EGF: variants seen among roughly 807,000 people sequenced by gnomAD.
EGF encodes the protein epidermal growth factor, also known as pro-epidermal growth factor.
A neutral mutation model predicts 143.8 loss-of-function variants in EGF; 95 were observed. The observed-to-expected ratio is 0.66, with a 90% CI of 0.56 to 0.78. The LOEUF (loss-of-function observed/expected upper bound fraction) is 0.78. EGF is among the 30% of genes least tolerant of loss of function. The pLI, the probability that EGF is intolerant of heterozygous loss-of-function variation, is 0.00. For synonymous variants in EGF, 510 were observed against 510.5 expected (o/e 1.00, Z 0.01); for missense variants, 1,320 against 1,470.9 (o/e 0.90, Z 1.68).
At chr4:109,952,326 G>A (rs1204873753) in intron 5 of EGF, among the ~76,000 whole-genome samples, 1 of 152,124 alleles carries the variant, frequency 6.6e-6, no homozygotes, top group Non-Finnish European at 1.5e-5. Flanking sequence ...TATTCTTTGG[G>A]AAATGAAGGT....
chr4:109,947,828 T>A (rs1374246603), intron 5 of EGF, among the ~76,000 whole-genome samples: 1 of 152,208 alleles, frequency 6.6e-6, no homozygotes, highest in Admixed American at 6.5e-5. Flanking sequence ...GGGCTTTAGT[T>A]TATCGGTTTG....
rs1057450207 is a variant in EGF, at chr4:109,968,762, G to A, written c.1576-209G>A. The A allele has an allele frequency of 4.8e-5, 27 of 562,692 alleles. 1 individual carries two copies. The highest frequency in any genetic ancestry group is 3.4e-4 in the African/African-American group (17 of 49,994). 34.9% of individuals were successfully genotyped at this position (562,692 alleles called of 1,614,324 possible). A position where few individuals can be genotyped will look rare whatever the true frequency, so the allele number is the denominator to read the frequency against. On this transcript the variant is annotated intron_variant, in intron 10 of 23. Coordinates refer to ENST00000265171, the MANE Select transcript of EGF (RefSeq NM_001963.6). The stretch of plus-strand genomic sequence containing the variant: ...TTGATATTATTATCCTTATTTTACC[G>A]ATGAGGAAACTAAGATTCTGAGACA...
intron 21 of EGF, chr4:110,002,007 G>T: frequency 3.0e-6 from 3 of 985,378 alleles, no homozygotes; most frequent in Non-Finnish European, 3.6e-6. Flanking sequence ...AATTAAAACT[G>T]CTAGTCTAAA....
intron 10 of EGF, among the ~76,000 whole-genome samples, chr4:109,966,869 G>A (rs1188353893): frequency 6.6e-6 from 1 of 151,836 alleles, no homozygotes; most frequent in Non-Finnish European, 1.5e-5. Flanking sequence ...TATGTCCTTT[G>A]CCCACTTTTT....
At chr4:109,951,112 G>A (rs139125571) in intron 5 of EGF, among the ~76,000 whole-genome samples, 6 of 151,336 alleles carry the variant, frequency 4.0e-5, no homozygotes, top group African/African-American at 1.5e-4. Flanking sequence ...TTCAAGGCCA[G>A]CCTGGCCAAC....
rs1742232334 is a variant in EGF, at chr4:109,943,265, T to C, written c.339T>C (p.Asn113=). 1 of 1,604,764 alleles carries C rather than the reference T, an allele frequency of 6.2e-7. No homozygotes were observed. ...ATTTGATTTTGCAGAGAGTATGTAA[T>C]ATAGAGAAAAATGTTTCTGGAATGG... ...LNGSRQERVC[N]IEKNVSGMAI... Residue 113 remains asparagine (N), a synonymous_variant, in exon 3 of 24, where the codon AAT becomes AAC. Coordinates refer to ENST00000265171, the MANE Select transcript of EGF (RefSeq NM_001963.6).
chr4:109,985,760 G>A (rs1427691317), intron 16 of EGF, among the ~76,000 whole-genome samples: 1 of 152,182 alleles, frequency 6.6e-6, no homozygotes, highest in Non-Finnish European at 1.5e-5. Context: ...CAGAGCCTTT[G>A]TCAATAGCAG....
chr4:109,972,067 A>G (rs911568755), intron 11 of EGF, among the ~76,000 whole-genome samples: 3 of 152,074 alleles, frequency 2.0e-5, no homozygotes, highest in African/African-American at 7.2e-5. Flanking sequence ...TCACTCTTCT[A>G]GGGTTGTTGA....
At chr4:109,946,849 G>T (rs1484810065) in intron 5 of EGF, among the ~76,000 whole-genome samples, 1 of 151,956 alleles carries the variant, frequency 6.6e-6, no homozygotes, top group East Asian at 1.9e-4. Context: ...TTTTTAAAAA[G>T]TTGTCAGGCC....
intron 18 of EGF, among the ~76,000 whole-genome samples, chr4:109,990,576 A>G (rs1230264593): frequency 6.6e-6 from 1 of 152,206 alleles, no homozygotes; most frequent in African/African-American, 2.4e-5. Flanking sequence ...ACTAAGGCTG[A>G]TAAGGTAGTG....
chr4:109,961,724 C>A, intron 7 of EGF, 139 bp from the exon 8 acceptor site: 2 of 1,038,098 alleles, frequency 1.9e-6, no homozygotes, highest in Non-Finnish European at 2.9e-6. Context: ...TAAGGCTAGG[C>A]ACAGTGGCTC....
In EGF at chr4:109,968,710, A is replaced by AT. The variant is rs11387205; in HGVS notation, c.1576-261_1576-260insT. The AT allele has an allele frequency of 4.2e-3, 1,888 of 447,390 alleles. 9 individuals carry two copies. The highest frequency in any genetic ancestry group is 5.1e-3 in the Non-Finnish European group (1,252 of 243,282). The allele number at this position is 447,390 out of a possible 1,614,324, so 27.7% of individuals were successfully genotyped here. On this transcript the variant is annotated intron_variant, in intron 10 of 23. Coordinates refer to ENST00000265171, the MANE Select transcript of EGF (RefSeq NM_001963.6). The stretch of plus-strand genomic sequence containing the variant: ...TATCTATCTATCTATCTATCTATCT[A>AT]CCTACCTACCTACCTACCTAATAAG...
At chr4:109,963,032 T>C (rs1234911929) in intron 8 of EGF, 141 bp from the exon 9 acceptor site, 10 of 1,018,864 alleles carry the variant, frequency 9.8e-6, no homozygotes, top group Non-Finnish European at 1.5e-5. Context: ...GCCATTGCAC[T>C]CCAGCCTGGG....
At chr4:109,998,179 G>A (rs1171629636) in intron 20 of EGF, among the ~76,000 whole-genome samples, 5 of 152,220 alleles carry the variant, frequency 3.3e-5, no homozygotes, top group Non-Finnish European at 7.3e-5. Flanking sequence ...GATCAGAGGT[G>A]TGGCCCATTA....
At chr4:109,990,344 A>G (rs1196473423) in intron 18 of EGF, among the ~76,000 whole-genome samples, 4 of 152,214 alleles carry the variant, frequency 2.6e-5, no homozygotes, top group African/African-American at 7.2e-5. Context: ...AAAAACCACA[A>G]TGAAAGTTCA....
chr4:109,961,994 A>G lies in EGF; in HGVS notation c.1312+9A>G, dbSNP rs773159521. ...TGGGAAAACATGTAGCGGTGAGTTT[A>G]TTTGCTTTATTTACCTTTTGTTTGT... On this transcript the variant is annotated intron_variant, in intron 8 of 23. Coordinates refer to ENST00000265171, the MANE Select transcript of EGF (RefSeq NM_001963.6). 1.2e-6 allele frequency: 2 copies of G among 1,613,368 alleles called. No homozygotes were observed. Among genetic ancestry groups the G allele is most frequent in the Non-Finnish European group, 1.7e-6 (2 of 1,179,510 alleles).
intron 2 of EGF, 90 bp downstream of exon 2, chr4:109,941,235 A>G (rs1741876382): frequency 4.1e-6 from 5 of 1,223,744 alleles, no homozygotes; most frequent in Non-Finnish European, 5.9e-6. Context: ...GATAAATGAA[A>G]ATTATATAAC....
chr4:109,988,192 C>CTT (rs200891546), intron 17 of EGF, among the ~76,000 whole-genome samples: 1,515 of 138,630 alleles, frequency 0.011, 21 homozygotes, highest in African/African-American at 0.033. Context: ...GAAAACACAA[C>CTT]TTTTTTTTTT....
rs1553948183 is a variant in EGF at position 110,004,213 on chromosome 4, CAT to C, written c.3174-290_3174-289del. On this transcript the variant is annotated intron_variant, in intron 21 of 23. Coordinates refer to ENST00000265171, the MANE Select transcript of EGF (RefSeq NM_001963.6). ...ATTCCCCCCAACATACATGGGCATA[CAT>C]ACACACACACACACACACACACACA... The C allele has an allele frequency of 0.014, 5,223 of 363,942 alleles. 56 individuals carry two copies. Among genetic ancestry groups the C allele is most frequent in the African/African-American group, 0.097 (2,123 of 21,812 alleles). 22.5% of individuals were successfully genotyped at this position (363,942 alleles called of 1,614,324 possible). A position where few individuals can be genotyped will look rare whatever the true frequency, so the allele number is the denominator to read the frequency against.
Sources: allele counts gnomAD v4.1 joint callset (sites outside exome capture counted in the v4.1 genomes callset), GRCh38; gene constraint gnomAD v4.1.1; transcripts MANE v1.5; gene names NCBI Gene and HGNC (gene_info 2026-07-23, HGNC 2026-07-21).